Variants in LIN28B observed in about 807,000 individuals in gnomAD.
The protein encoded by LIN28B is lin-28 RNA binding posttranscriptional regulator B.
In LIN28B, 5 loss-of-function variants were observed where a neutral mutation model predicts 21.9. The ratio of observed to expected loss-of-function variants is 0.23; its 90% CI spans 0.12 to 0.48. LIN28B has a LOEUF of 0.48. LIN28B is among the 20% of genes least tolerant of loss of function. LIN28B has a pLI of 0.98. For synonymous variants in LIN28B, 109 were observed against 111.3 expected (o/e 0.98, Z 0.13); for missense variants, 245 against 310.5 (o/e 0.79, Z 1.58).
chr6:105,057,735 TTTTTC>T (rs1276225194), intron 3 of LIN28B, among the ~76,000 whole-genome samples: 1 of 151,466 alleles, frequency 6.6e-6, no homozygotes, highest in Non-Finnish European at 1.5e-5. Flanking sequence ...ATAAATTACT[TTTTTC>T]TATATATTAT....
chr6:104,957,349 C>CA lies in LIN28B; in HGVS notation c.10+89_10+90insA, dbSNP rs539637615. ...TCTCCCACCCTTCTTAGACCGTCCC[C>CA]CCCTTCCCCTTTTACCCCAATACTG... On this transcript the variant is annotated intron_variant, in intron 1 of 3. Coordinates refer to ENST00000345080, the MANE Select transcript of LIN28B (RefSeq NM_001004317.4). 5.1e-5 allele frequency: 41 copies of CA among 800,820 alleles called. 1 individual carries two copies. The South Asian group carries it at 6.6e-4, about 13-fold the overall frequency. The allele number at this position is 800,820 out of a possible 1,614,324, so 49.6% of individuals were successfully genotyped here. A position where few individuals can be genotyped will look rare whatever the true frequency, so the allele number is the denominator to read the frequency against.
intron 3 of LIN28B, among the ~76,000 whole-genome samples, chr6:105,055,809 C>T (rs1368006896): frequency 6.6e-6 from 1 of 152,014 alleles, no homozygotes; most frequent in East Asian, 1.9e-4. Context: ...TCCTTCCAGC[C>T]CAGGCCGGAG....
chr6:104,977,646 C>T (rs1423323777), intron 2 of LIN28B, among the ~76,000 whole-genome samples: 1 of 152,148 alleles, frequency 6.6e-6, no homozygotes, highest in African/African-American at 2.4e-5. Context: ...TGGATCACTG[C>T]AACCTCCACC....
chr6:105,048,965 A>C (rs926035975), intron 3 of LIN28B, among the ~76,000 whole-genome samples: 8 of 152,130 alleles, frequency 5.3e-5, no homozygotes, highest in African/African-American at 1.7e-4. Flanking sequence ...TTCAAAAAAC[A>C]AGCTCCTGGA....
chr6:105,049,261 C>A (rs536204476), intron 3 of LIN28B, among the ~76,000 whole-genome samples: 3 of 152,038 alleles, frequency 2.0e-5, no homozygotes, highest in Non-Finnish European at 4.4e-5. Flanking sequence ...CATTATGTAC[C>A]CAGTAGTCGT....
chr6:105,049,653 C>T (rs1017613623), intron 3 of LIN28B, among the ~76,000 whole-genome samples: 6 of 151,900 alleles, frequency 3.9e-5, no homozygotes, highest in Non-Finnish European at 8.8e-5. Flanking sequence ...CTTTGTAGTT[C>T]TCTAAGGACT....
chr6:105,065,058 A>G (rs1388636683), intron 3 of LIN28B, among the ~76,000 whole-genome samples: 1 of 152,202 alleles, frequency 6.6e-6, no homozygotes, highest in Non-Finnish European at 1.5e-5. Context: ...CAGGGATTCA[A>G]CGGCTCTTCC....
chr6:104,940,352 C>CA (rs1277054562), intron 2 of LIN28B: 1 of 156,264 alleles, frequency 6.4e-6, no homozygotes. Context: ...TAGGGACCGC[C>CA]ATGTGAGCTT....
chr6:105,053,722 T>TGTGTGTGTGC (rs1375353524), intron 3 of LIN28B, among the ~76,000 whole-genome samples: 8 of 151,558 alleles, frequency 5.3e-5, no homozygotes, highest in African/African-American at 1.9e-4. Context: ...TGCGTGTGTG[T>TGTGTGTGTGC]GTGTGTGTGT....
chr6:105,037,636 C>G (rs1254282119), intron 3 of LIN28B, among the ~76,000 whole-genome samples: 1 of 151,748 alleles, frequency 6.6e-6, no homozygotes, highest in African/African-American at 2.4e-5. Context: ...CCTCAGCCTC[C>G]CAAGCAGCTG....
At chr6:104,997,458 A>G (rs1354398899) in intron 2 of LIN28B, among the ~76,000 whole-genome samples, 1 of 152,004 alleles carries the variant, frequency 6.6e-6, no homozygotes, top group Non-Finnish European at 1.5e-5. Flanking sequence ...TTGAACCTTG[A>G]TGATGACGAA....
At chr6:104,980,480 T>C (rs1351214653) in intron 2 of LIN28B, among the ~76,000 whole-genome samples, 1 of 152,176 alleles carries the variant, frequency 6.6e-6, no homozygotes, top group Non-Finnish European at 1.5e-5. Context: ...AACTTTATCA[T>C]CCCAGATTGG....
chr6:104,982,329 A>G (rs904390937), intron 2 of LIN28B, among the ~76,000 whole-genome samples: 1 of 150,772 alleles, frequency 6.6e-6, no homozygotes, highest in Non-Finnish European at 1.5e-5. Context: ...AAAAAAAAAG[A>G]GGAATTAATT....
At chr6:105,022,690 A>G (rs2114330505) in intron 2 of LIN28B, among the ~76,000 whole-genome samples, 1 of 152,146 alleles carries the variant, frequency 6.6e-6, no homozygotes. Context: ...TTTAGGTTTT[A>G]TGGCTGGCTT....
intron 2 of LIN28B, among the ~76,000 whole-genome samples, chr6:105,013,399 T>A (rs1421929444): frequency 6.6e-6 from 1 of 152,112 alleles, no homozygotes; most frequent in Admixed American, 6.6e-5. Flanking sequence ...TCTTTTTTTT[T>A]AAGTAGGCAT....
At chr6:104,947,698 A>G (rs983771980) in intron 2 of LIN28B, among the ~76,000 whole-genome samples, 4 of 151,116 alleles carry the variant, frequency 2.6e-5, no homozygotes, top group Non-Finnish European at 2.9e-5. Context: ...TATGTATTTT[A>G]TATTTATAAG....
chr6:105,003,639 A>G (rs557332139), intron 2 of LIN28B, among the ~76,000 whole-genome samples: 1 of 152,068 alleles, frequency 6.6e-6, no homozygotes, highest in East Asian at 1.9e-4. Flanking sequence ...CAGCTTCCCA[A>G]GTAGCTGGGA....
intron 2 of LIN28B, among the ~76,000 whole-genome samples, chr6:104,978,043 C>A (rs1770138346): frequency 6.6e-6 from 1 of 152,118 alleles, no homozygotes; most frequent in African/African-American, 2.4e-5. Context: ...TTTAAGAAAA[C>A]CAAGTGTTTA....
intron 3 of LIN28B, among the ~76,000 whole-genome samples, chr6:104,950,774 C>G (rs534641833): frequency 6.6e-6 from 1 of 151,252 alleles, no homozygotes. Context: ...TTTTGTGATT[C>G]CTTTTTCTGT....
Sources: gnomAD v4.1 joint callset for allele counts (sites outside exome capture counted in the v4.1 genomes callset) on GRCh38, gnomAD v4.1.1 for gene constraint, MANE v1.5 for transcripts, NCBI Gene and HGNC (gene_info 2026-07-23, HGNC 2026-07-21) for gene names.